MYCBP2: variants seen among roughly 807,000 people sequenced by gnomAD.
MYCBP2 encodes the protein MYC binding protein 2.
A neutral mutation model predicts 525.3 loss-of-function variants in MYCBP2; 120 were observed. The ratio of observed to expected loss-of-function variants is 0.23; its 90% CI spans 0.20 to 0.27. MYCBP2 has a LOEUF of 0.27. MYCBP2 is among the 10% of genes least tolerant of loss of function. The pLI is 1.00. For missense variants in MYCBP2, 4,149 were observed against 5,657.1 expected (o/e 0.73, Z 8.55); for synonymous variants, 1,894 against 1,955.8 (o/e 0.97, Z 0.83).
chr13:77,214,953 G>A (rs535391362), intron 21 of MYCBP2, among the ~76,000 whole-genome samples: 1 of 151,778 alleles, frequency 6.6e-6, no homozygotes, highest in Admixed American at 6.6e-5. Context: ...ACATATATAG[G>A]TATATATATA....
At chr13:77,211,577 T>C (rs953381735) in intron 22 of MYCBP2, among the ~76,000 whole-genome samples, 19 of 152,162 alleles carry the variant, frequency 1.2e-4, no homozygotes, top group African/African-American at 4.3e-4. Context: ...CAGTACAGAT[T>C]GATAACTTGG....
Position 77,283,675 on chromosome 13 carries a change from C to A in MYCBP2, c.594+4486G>T, listed in dbSNP as rs547803689. On this transcript the variant is annotated intron_variant, in intron 3 of 82. Transcript: ENST00000544440. ...ACTTTGGAAGGCTGAGGCGGTCAGA[C>A]TGCTTGAGCTCAAGAGTTCGAGACC... Among the ~76,000 whole-genome samples the A allele has an allele frequency of 2.6e-5, 4 of 152,194 alleles. No individual in the cohort carries two copies. The South Asian group carries it at 8.3e-4, about 32-fold the overall frequency.
chr13:77,262,708 TAC>T (rs764250697), intron 10 of MYCBP2, among the ~76,000 whole-genome samples: 1 of 152,018 alleles, frequency 6.6e-6, no homozygotes, highest in African/African-American at 2.4e-5. Flanking sequence ...AATATGCATA[TAC>T]ACACACAGAT....
chr13:77,178,742 C>T (rs2154244037), intron 34 of MYCBP2, among the ~76,000 whole-genome samples: 1 of 152,288 alleles, frequency 6.6e-6, no homozygotes, highest in African/African-American at 2.4e-5. Context: ...AAATATTCAT[C>T]TCTAAGCCAG....
chr13:77,300,568 A>C (rs906980964), intron 1 of MYCBP2, among the ~76,000 whole-genome samples: 3 of 152,214 alleles, frequency 2.0e-5, no homozygotes, highest in Non-Finnish European at 4.4e-5. Flanking sequence ...TGCTCGCCCC[A>C]GATCTGGGGC....
chr13:77,162,128 T>C (rs1036471109), intron 43 of MYCBP2, among the ~76,000 whole-genome samples, 173 bp from the exon 44 acceptor site: 11 of 152,220 alleles, frequency 7.2e-5, no homozygotes, highest in Non-Finnish European at 1.5e-5. Context: ...ATATATAAGA[T>C]ACTTCCAGTG....
intron 46 of MYCBP2, among the ~76,000 whole-genome samples, chr13:77,152,319 T>C (rs2056587741): frequency 6.6e-6 from 1 of 152,210 alleles, no homozygotes; most frequent in Admixed American, 6.5e-5. Context: ...TACAGGTATA[T>C]GGTTAAAATT....
intron 34 of MYCBP2, among the ~76,000 whole-genome samples, chr13:77,179,328 T>C (rs930066084): frequency 2.6e-5 from 4 of 152,208 alleles, no homozygotes; most frequent in Admixed American, 2.6e-4. Flanking sequence ...ATGTAAGATA[T>C]TTCATATTAG....
At chr13:77,128,860 C>T (rs1032116703) in intron 52 of MYCBP2, among the ~76,000 whole-genome samples, 4 of 151,910 alleles carry the variant, frequency 2.6e-5, no homozygotes, top group Admixed American at 2.6e-4. Flanking sequence ...GCCATAAGGC[C>T]AGGACACTGT....
intron 16 of MYCBP2, 22 bp from the exon 17 acceptor site, chr13:77,243,182 A>G: frequency 6.7e-7 from 1 of 1,484,340 alleles, no homozygotes; most frequent in South Asian, 1.1e-5. Flanking sequence ...GCCAAAAACA[A>G]CAACAACAAC....
intron 37 of MYCBP2, among the ~76,000 whole-genome samples, chr13:77,173,011 A>C (rs1294486130): frequency 6.6e-6 from 1 of 152,196 alleles, no homozygotes; most frequent in Non-Finnish European, 1.5e-5. Context: ...TAACATACTC[A>C]AAGCATGTCC....
At chr13:77,103,102 T>TA (rs2047321911) in intron 55 of MYCBP2, 1 of 393,484 alleles carries the variant, frequency 2.5e-6, no homozygotes. Flanking sequence ...AAACTTTAAT[T>TA]AAAAAAATGG....
chr13:77,070,114 T>C (rs1375141342), intron 69 of MYCBP2, among the ~76,000 whole-genome samples: 1 of 152,180 alleles, frequency 6.6e-6, no homozygotes, highest in Non-Finnish European at 1.5e-5. Context: ...GCTGGGTATT[T>C]GACACCAAAT....
Position 77,051,043 on chromosome 13 carries a change from T to C in MYCBP2, c.13875A>G (p.Gln4625=). ...HFCNACHDDF[Q]RMTSIPKEEL... ...CTTCCTTAGGAATGCTAGTCATTCT[T>C]TGAAAATCATCATGACAAGCATTAC... is the stretch of plus-strand genomic sequence containing the variant. Residue 4625 remains glutamine, a synonymous_variant, in exon 82 of 83, where the codon CAA becomes CAG. Transcript: ENST00000544440. 1 of 1,613,430 alleles carries C rather than the reference T, an allele frequency of 6.2e-7. No individual in the cohort carries two copies. The highest frequency in any genetic ancestry group is 8.5e-7 in the Non-Finnish European group (1 of 1,179,746).
intron 75 of MYCBP2, 142 bp downstream of exon 75, chr13:77,061,520 T>C (rs2039293778): frequency 2.0e-6 from 2 of 1,012,866 alleles, no homozygotes; most frequent in South Asian, 3.5e-5. Context: ...TATTTATAGA[T>C]GGTAAGCGAG....
chr13:77,280,446 C>A (rs1170267577), intron 3 of MYCBP2, among the ~76,000 whole-genome samples: 2 of 152,126 alleles, frequency 1.3e-5, no homozygotes, highest in African/African-American at 4.8e-5. Flanking sequence ...CAAAGATCTC[C>A]AGAGTACAAA....
Position 77,268,796 on chromosome 13 carries a change from T to A in MYCBP2, c.1261-859A>T, listed in dbSNP as rs924653949. 1.7e-3 allele frequency among the ~76,000 whole-genome samples: 259 copies of A among 151,590 alleles called. 1 individual carries two copies. The highest frequency in any genetic ancestry group is 5.8e-3 in the African/African-American group (238 of 41,368). On this transcript the variant is annotated intron_variant, in intron 7 of 82. Coordinates refer to ENST00000544440, the MANE Select transcript of MYCBP2 (RefSeq NM_015057.5). ...CTACAACTCCAAAAAAAAAAAAAAA[T>A]TTAATTTCAAATTCTCCCCAATAGG...
intron 3 of MYCBP2, among the ~76,000 whole-genome samples, chr13:77,279,922 T>C (rs2076015493): frequency 6.6e-6 from 1 of 152,210 alleles, no homozygotes; most frequent in South Asian, 2.1e-4. Context: ...GTTGGGATCT[T>C]CCAATATACA....
At chr13:77,110,678 T>G (rs1336055545) in intron 55 of MYCBP2, among the ~76,000 whole-genome samples, 1 of 152,200 alleles carries the variant, frequency 6.6e-6, no homozygotes, top group Non-Finnish European at 1.5e-5. Flanking sequence ...CAATATGTGA[T>G]GTCACCGCCA....
Sources: gnomAD v4.1 joint callset for allele counts (sites outside exome capture counted in the v4.1 genomes callset) on GRCh38, gnomAD v4.1.1 for gene constraint, MANE v1.5 for transcripts, NCBI Gene and HGNC (gene_info 2026-07-23, HGNC 2026-07-21) for gene names.